The following POU2F1 variants were observed in gnomAD, a reference collection of about 807,000 sequenced individuals.
POU2F1 encodes the protein POU domain, class 2, transcription factor 1.
POU2F1 carries 16 observed loss-of-function variants against 84.9 expected under a neutral mutation model. The observed-to-expected ratio is 0.19, with a 90% CI of 0.13 to 0.29. The LOEUF is 0.29. Ranked by LOEUF, POU2F1 falls within the 10% of genes least tolerant of loss-of-function variation. POU2F1 has a pLI of 1.00. For synonymous variants in POU2F1, 368 were observed against 368.3 expected (o/e 1.00, Z 0.01); for missense variants, 738 against 942.6 (o/e 0.78, Z 2.84).
chr1:167,414,746 G>T, intron 15 of POU2F1: 1 of 977,530 alleles, frequency 1.0e-6, no homozygotes, highest in Non-Finnish European at 1.2e-6. Context: ...ATTCTCCTTT[G>T]CACAAGTCAT....
chr1:167,420,952 AATGGGAG>A lies in POU2F1; in HGVS notation c.*5144_*5150del, dbSNP rs1650614011. 1 of 152,264 alleles carries A rather than the reference AATGGGAG, an allele frequency of 6.6e-6. No individual in the cohort carries two copies. 9.4% of individuals were successfully genotyped at this position (152,264 alleles called of 1,614,324 possible). ...AAAACATTAAAAGATGACTGATACT[AATGGGAG>A]AAAAATACTAAAGACCCAAAATTTA... On this transcript the variant is annotated 3_prime_UTR_variant, in exon 16 of 16. Transcript: ENST00000367866.
chr1:167,369,750 AT>A (rs1659891213), intron 3 of POU2F1, among the ~76,000 whole-genome samples: 1 of 152,126 alleles, frequency 6.6e-6, no homozygotes, highest in African/African-American at 2.4e-5. Context: ...AAATAAGTAG[AT>A]GGTTCTGATT....
In POU2F1 at chr1:167,419,184, T is replaced by G. The variant is rs1045738189; in HGVS notation, c.*3374T>G. ...TCTTCTAAGCTAAGATACTCAAATT[T>G]AACTTTTAGCCACCTTATATGGGAG... On this transcript the variant is annotated 3_prime_UTR_variant, in exon 16 of 16. Transcript: ENST00000367866. The G allele has an allele frequency of 1.3e-5, 2 of 152,214 alleles. No homozygotes were observed. Among genetic ancestry groups the G allele is most frequent in the African/African-American group, 4.8e-5 (2 of 41,460 alleles). The allele number at this position is 152,214 out of a possible 1,614,324, so 9.4% of individuals were successfully genotyped here.
At chr1:167,224,854 A>G (rs1333625209) in intron 1 of POU2F1, among the ~76,000 whole-genome samples, 12 of 136,984 alleles carry the variant, frequency 8.8e-5, no homozygotes, top group Non-Finnish European at 1.2e-4. Context: ...TTCCAGACAG[A>G]GTCTTGCTCT....
intron 1 of POU2F1, among the ~76,000 whole-genome samples, chr1:167,288,552 C>T (rs1475667946): frequency 6.6e-6 from 1 of 152,090 alleles, no homozygotes; most frequent in Non-Finnish European, 1.5e-5. Flanking sequence ...TAGCCAGGTG[C>T]TGTGGCCTGT....
intron 1 of POU2F1, 121 bp downstream of exon 1, chr1:167,221,079 T>A: frequency 1.2e-6 from 1 of 847,662 alleles, no homozygotes; most frequent in Non-Finnish European, 1.7e-6. Context: ...GGCGGGGAGA[T>A]GGGGGGCCGG....
At position 167,415,793 on chromosome 1, in the gene POU2F1, G is replaced by GCCT. The variant is rs770383811; in HGVS notation, c.2287_2289dup (p.Ser763dup). The GCCT allele has an allele frequency of 3.7e-6, 6 of 1,613,684 alleles. No homozygotes were observed. In the South Asian group the frequency reaches 6.6e-5, roughly 18 times the overall value. The stretch of plus-strand genomic sequence containing the variant: ...CGGGGCTGCGTCCACCACCACCACC[G>GCCT]CCTCCAAGGCACAGTGAGCTGGGCA... On this transcript the variant is annotated inframe_insertion, in exon 16 of 16. Transcript: ENST00000367866.
chr1:167,365,673 A>AAG, intron 3 of POU2F1, 106 bp downstream of exon 3: 2 of 745,974 alleles, frequency 2.7e-6, no homozygotes, highest in Non-Finnish European at 4.2e-6. Context: ...AATTATTTAA[A>AAG]GCCTAGTGCT....
At chr1:167,224,844 T>TC (rs1321646642) in intron 1 of POU2F1, among the ~76,000 whole-genome samples, 3 of 150,746 alleles carry the variant, frequency 2.0e-5, no homozygotes, top group East Asian at 1.9e-4. Context: ...TTTTTTTTTT[T>TC]TCCAGACAGA....
chr1:167,365,455 C>A lies in POU2F1; in HGVS notation c.128-12C>A. 1 of 1,538,710 alleles carries A rather than the reference C, an allele frequency of 6.5e-7. No individual in the cohort carries two copies. The highest frequency in any genetic ancestry group is 8.7e-7 in the Non-Finnish European group (1 of 1,142,930). ...TCTTTTAATAGTTGAAATTATTTTG[C>A]TTGCTTTCTAGGCACACAAACCAAT... is the stretch of plus-strand genomic sequence containing the variant. On this transcript the variant is annotated splice_polypyrimidine_tract_variant and intron_variant, in intron 2 of 15. Transcript: ENST00000367866.
Position 167,282,436 on chromosome 1 carries a change from G to C in POU2F1, c.62-50034G>C, listed in dbSNP as rs184034001. Among the ~76,000 whole-genome samples the C allele has an allele frequency of 1.6e-4, 24 of 152,240 alleles. 1 individual carries two copies. In the East Asian group the frequency reaches 4.6e-3, roughly 29 times the overall value. Reference sequence around the variant, plus strand: ...TGGGATTACAGGCGTGACCTACCGCGCCTGGCCAAAAATTTTTAAATTTCT... The same window carrying C: ...TGGGATTACAGGCGTGACCTACCGCCCCTGGCCAAAAATTTTTAAATTTCT... On this transcript the variant is annotated intron_variant, in intron 1 of 15. Coordinates refer to ENST00000367866, the MANE Select transcript of POU2F1 (RefSeq NM_002697.4).
chr1:167,258,092 G>C (rs1292559701), intron 1 of POU2F1, among the ~76,000 whole-genome samples: 1 of 152,180 alleles, frequency 6.6e-6, no homozygotes, highest in African/African-American at 2.4e-5. Context: ...AGCTGTGATT[G>C]TCATGTGTGT....
At chr1:167,277,517 T>A (rs1323483104) in intron 1 of POU2F1, among the ~76,000 whole-genome samples, 1 of 144,150 alleles carries the variant, frequency 6.9e-6, no homozygotes, top group Non-Finnish European at 1.5e-5. Context: ...AAAAAAAAAA[T>A]TGCCTAGGCC....
intron 1 of POU2F1, among the ~76,000 whole-genome samples, chr1:167,232,668 C>T (rs1343893225): frequency 6.6e-6 from 1 of 152,026 alleles, no homozygotes; most frequent in East Asian, 1.9e-4. Context: ...TAGGGTGAAA[C>T]CCCATCTCTA....
chr1:167,256,913 T>C (rs1651181540), intron 1 of POU2F1, among the ~76,000 whole-genome samples: 1 of 152,164 alleles, frequency 6.6e-6, no homozygotes, highest in Non-Finnish European at 1.5e-5. Flanking sequence ...GGGAGAGAGA[T>C]ACTTATAAAG....
At chr1:167,412,359 A>T in intron 14 of POU2F1, 55 bp downstream of exon 14, 1 of 1,421,810 alleles carries the variant, frequency 7.0e-7, no homozygotes, top group Non-Finnish European at 9.5e-7. Context: ...CCCTGGAATT[A>T]CTCACAGGGG....
chr1:167,393,279 T>G (rs566996397), intron 9 of POU2F1, among the ~76,000 whole-genome samples: 1 of 152,294 alleles, frequency 6.6e-6, no homozygotes, highest in East Asian at 1.9e-4. Flanking sequence ...TGTACCGAAT[T>G]AATGAAAATT....
At chr1:167,328,180 T>C (rs778238640) in intron 1 of POU2F1, among the ~76,000 whole-genome samples, 6 of 152,168 alleles carry the variant, frequency 3.9e-5, no homozygotes, top group African/African-American at 7.2e-5. Flanking sequence ...TAACAAACTG[T>C]CTTCTTTCTA....
Position 167,372,458 on chromosome 1 carries a change from T to C in POU2F1, c.402+422T>C, listed in dbSNP as rs200972246. Among the ~76,000 whole-genome samples the C allele has an allele frequency of 1.8e-4, 27 of 152,342 alleles. No individual in the cohort carries two copies. In the East Asian group the frequency reaches 3.9e-3, roughly 22 times the overall value. ...AAACATTTTTCTTTAAGTTACTGTG[T>C]AATGATCTAAAATAAAGCATGTGGC... On this transcript the variant is annotated intron_variant, in intron 5 of 15. Coordinates refer to ENST00000367866, the MANE Select transcript of POU2F1 (RefSeq NM_002697.4).
Sources: allele counts gnomAD v4.1 joint callset (sites outside exome capture counted in the v4.1 genomes callset), GRCh38; gene constraint gnomAD v4.1.1; transcripts MANE v1.5; gene names NCBI Gene and HGNC (gene_info 2026-07-23, HGNC 2026-07-21).